Variants in ANO1 observed in about 807,000 individuals in gnomAD.
ANO1 encodes the protein anoctamin-1.
Under a neutral mutation model 124.0 loss-of-function variants are expected in ANO1, and 59 were observed. The ratio of observed to expected loss-of-function variants is 0.48; its 90% CI spans 0.39 to 0.59. ANO1 has a LOEUF of 0.59. ANO1 is among the 20% of genes least tolerant of loss of function. The pLI is 0.00. For synonymous variants in ANO1, 529 were observed against 532.0 expected (o/e 0.99, Z 0.08); for missense variants, 1,059 against 1,328.0 (o/e 0.80, Z 3.15).
chr11:70,186,268 C>G (rs58686000), intron 25 of ANO1, among the ~76,000 whole-genome samples: 28,000 of 147,842 alleles, frequency 0.19, 3,020 homozygotes, highest in African/African-American at 0.3. Flanking sequence ...GCTTGAGCAA[C>G]AAGAGTGAAA....
chr11:70,055,765 C>T (rs782085096), intron 1 of ANO1, among the ~76,000 whole-genome samples: 35 of 151,962 alleles, frequency 2.3e-4, no homozygotes, highest in East Asian at 5.8e-4. Context: ...TCCGACTTTT[C>T]GGTTAATCAA....
chr11:69,967,152 G>A, the ANO1 span, among the ~76,000 whole-genome samples: 3 of 21,168 alleles, frequency 1.4e-4, no homozygotes, highest in Non-Finnish European at 5.5e-4. Context: ...CACGCTGTCT[G>A]TATCGCACGT....
chr11:70,054,527 T>C (rs1276523913), intron 1 of ANO1, among the ~76,000 whole-genome samples: 2 of 152,206 alleles, frequency 1.3e-5, no homozygotes, highest in Admixed American at 6.5e-5. Context: ...AACCTAGCCT[T>C]CTCTGTTGTA....
At chr11:70,073,384 A>G (rs2044008023), upstream of ANO1, among the ~76,000 whole-genome samples, 1 of 152,194 alleles carries the variant, frequency 6.6e-6, no homozygotes, top group African/African-American at 2.4e-5. Flanking sequence ...GTCCGTGTGA[A>G]TGCACTTGCA....
At chr11:70,137,532 G>A (rs1590831600) in intron 11 of ANO1, among the ~76,000 whole-genome samples, 1 of 144,126 alleles carries the variant, frequency 6.9e-6, no homozygotes, top group East Asian at 2.1e-4. Context: ...TGACCCAGGA[G>A]GCTGTGACTC....
In ANO1 at chr11:70,108,379, G is replaced by A. The variant is rs771149930; in HGVS notation, c.774G>A (p.Thr258=). The change falls in exon 6 of 26, where the codon ACG becomes ACA. Residue 258 remains threonine (T), a synonymous_variant. Coordinates refer to ENST00000355303, the MANE Select transcript of ANO1 (RefSeq NM_018043.7). The stretch of plus-strand genomic sequence containing the variant: ...TCTATGAGATCTTGAAGAGAACGAC[G>A]TGTACAAAGGCCAAGTACAGCATGG... ...TIVYEILKRT[T]CTKAKYSMGI... is the part of the protein sequence containing the mutation. 2.3e-5 allele frequency: 37 copies of A among 1,612,562 alleles called. No homozygotes were observed. Among genetic ancestry groups the A allele is most frequent in the Admixed American group, 8.3e-5 (5 of 59,976 alleles).
intron 20 of ANO1, 124 bp from the exon 21 acceptor site, chr11:70,167,118 G>A: frequency 2.3e-6 from 3 of 1,296,454 alleles, no homozygotes; most frequent in South Asian, 3.1e-5. Context: ...CTGCACTCCA[G>A]CCTGAGCAAA....
chr11:70,071,532 A>G (rs1857873879), intron 1 of ANO1, among the ~76,000 whole-genome samples: 1 of 152,216 alleles, frequency 6.6e-6, no homozygotes, highest in African/African-American at 2.4e-5. Context: ...GCTTTTCTGA[A>G]ATAAGATATG....
chr11:70,134,698 T>G (rs140293370), intron 11 of ANO1, among the ~76,000 whole-genome samples: 2 of 152,292 alleles, frequency 1.3e-5, no homozygotes, highest in East Asian at 3.9e-4. Flanking sequence ...TGCACGTGCC[T>G]GGTGTGTGGG....
intron 7 of ANO1, among the ~76,000 whole-genome samples, chr11:70,115,860 C>A (rs1335982532): frequency 6.6e-6 from 1 of 152,270 alleles, no homozygotes; most frequent in East Asian, 1.9e-4. Flanking sequence ...AACCCTTAGA[C>A]CCTTCTCTTC....
chr11:70,160,280 G>A (rs574687190), intron 16 of ANO1, among the ~76,000 whole-genome samples: 1 of 152,224 alleles, frequency 6.6e-6, no homozygotes, highest in Admixed American at 6.5e-5. Context: ...GCTTTGCTGT[G>A]TGCTTCTCCT....
intron 5 of ANO1, among the ~76,000 whole-genome samples, chr11:70,107,707 C>T (rs1281673059): frequency 6.6e-6 from 1 of 152,106 alleles, no homozygotes; most frequent in Non-Finnish European, 1.5e-5. Flanking sequence ...GCAGAGCTGG[C>T]GCCAGGTTCC....
chr11:70,041,372 C>T (rs1203022863), intron 1 of ANO1, among the ~76,000 whole-genome samples: 3 of 152,114 alleles, frequency 2.0e-5, no homozygotes, highest in Non-Finnish European at 1.5e-5. Flanking sequence ...GGGTTTGTGT[C>T]ATTGATTTTT....
At chr11:70,166,669 A>C (rs1169260773) in intron 20 of ANO1, among the ~76,000 whole-genome samples, 1 of 152,064 alleles carries the variant, frequency 6.6e-6, no homozygotes, top group Non-Finnish European at 1.5e-5. Flanking sequence ...TGTGTCCCTG[A>C]TGCCTGCTGG....
At chr11:69,991,794 G>A (rs1856160630) in intron 1 of ANO1, among the ~76,000 whole-genome samples, 1 of 152,230 alleles carries the variant, frequency 6.6e-6, no homozygotes, top group Non-Finnish European at 1.5e-5. Context: ...GGGATACAGT[G>A]TAGCTATAGC....
chr11:70,073,486 T>C (rs960758843), upstream of ANO1, among the ~76,000 whole-genome samples: 2 of 152,152 alleles, frequency 1.3e-5, no homozygotes, highest in Non-Finnish European at 2.9e-5. Context: ...AGCTGCTTGT[T>C]AAATAAATAA....
the ANO1 span, among the ~76,000 whole-genome samples, chr11:69,973,922 C>T: frequency 1.3e-5 from 2 of 151,672 alleles, no homozygotes. Context: ...TGTAAGATAG[C>T]TTACCAACAT....
chr11:70,153,341 T>C (rs1308140869), intron 14 of ANO1, among the ~76,000 whole-genome samples: 3 of 152,212 alleles, frequency 2.0e-5, no homozygotes, highest in African/African-American at 7.2e-5. Flanking sequence ...AATAAAACTT[T>C]ATTTGCAAAA....
chr11:69,972,402 C>T, the ANO1 span, among the ~76,000 whole-genome samples: 1 of 152,038 alleles, frequency 6.6e-6, no homozygotes, highest in Non-Finnish European at 1.5e-5. Flanking sequence ...TGCAAACACA[C>T]AAGCAGCCGG....
Sources: gnomAD v4.1 joint callset for allele counts (sites outside exome capture counted in the v4.1 genomes callset) on GRCh38, gnomAD v4.1.1 for gene constraint, MANE v1.5 for transcripts, NCBI Gene and HGNC (gene_info 2026-07-23, HGNC 2026-07-21) for gene names.